Variants in DYM observed in about 807,000 individuals in gnomAD.
DYM encodes the protein dyggve-Melchior-Clausen syndrome protein.
Under a neutral mutation model 93.1 loss-of-function variants are expected in DYM, and 78 were observed. The ratio of observed to expected loss-of-function variants is 0.84; its 90% CI spans 0.70 to 1.01. The LOEUF (loss-of-function observed/expected upper bound fraction) is 1.01. Among genes scored for constraint, DYM ranks in the 50% least tolerant of loss-of-function variants. DYM has a pLI of 0.00. For missense variants in DYM, 789 were observed against 845.0 expected, an observed-to-expected ratio of 0.93 and a Z score of 0.82; for synonymous variants, 321 against 319.7, an observed-to-expected ratio of 1.00 and a Z score of -0.04.
intron 17 of DYM, among the ~76,000 whole-genome samples, chr18:49,051,720 T>C (rs191943820): frequency 1.3e-4 from 20 of 152,366 alleles, no homozygotes; most frequent in Non-Finnish European, 2.6e-4. Flanking sequence ...TGAGCTGCTC[T>C]GTGGCCTGGG....
intron 17 of DYM, among the ~76,000 whole-genome samples, chr18:49,082,727 T>C (rs1052514336): frequency 1.3e-5 from 2 of 152,188 alleles, no homozygotes; most frequent in Admixed American, 6.5e-5. Context: ...AGTGGCATGA[T>C]TGGCCAAATA....
chr18:49,234,026 G>A (rs949715266), intron 13 of DYM, among the ~76,000 whole-genome samples: 5 of 152,166 alleles, frequency 3.3e-5, no homozygotes, highest in Non-Finnish European at 7.3e-5. Flanking sequence ...CTACTCGGGA[G>A]GCTGAGGCAG....
intron 14 of DYM, among the ~76,000 whole-genome samples, chr18:49,207,177 A>C (rs922849283): frequency 5.3e-5 from 8 of 152,186 alleles, no homozygotes; most frequent in African/African-American, 1.9e-4. Flanking sequence ...GAAAAAAGAC[A>C]GGGGCCTCTG....
chr18:49,356,350 T>C (rs1389174035), intron 6 of DYM, among the ~76,000 whole-genome samples: 1 of 152,222 alleles, frequency 6.6e-6, no homozygotes, highest in Non-Finnish European at 1.5e-5. Flanking sequence ...AAAGCTACTG[T>C]AAACTTAATA....
chr18:49,409,614 T>G (rs926129266), intron 2 of DYM, among the ~76,000 whole-genome samples: 6 of 152,066 alleles, frequency 3.9e-5, no homozygotes, highest in African/African-American at 1.4e-4. Context: ...AGTTTTCCCA[T>G]CCTGGCAAAT....
chr18:49,233,135 G>A (rs1479791994), intron 13 of DYM, among the ~76,000 whole-genome samples: 1 of 152,006 alleles, frequency 6.6e-6, no homozygotes, highest in African/African-American at 2.4e-5. Context: ...GCCAAGGCGG[G>A]TGGATCACCT....
At chr18:49,429,414 A>T (rs2074597173) in intron 2 of DYM, among the ~76,000 whole-genome samples, 1 of 152,210 alleles carries the variant, frequency 6.6e-6, no homozygotes, top group Admixed American at 6.5e-5. Flanking sequence ...TAAATAAAAA[A>T]TTTTTAAATC....
intron 6 of DYM, among the ~76,000 whole-genome samples, chr18:49,353,353 T>C (rs1023207691): frequency 6.6e-6 from 1 of 152,098 alleles, no homozygotes; most frequent in African/African-American, 2.4e-5. Flanking sequence ...TTTTGTGTAC[T>C]TCCTACAAAG....
chr18:49,438,638 C>T (rs1212032722), intron 1 of DYM, among the ~76,000 whole-genome samples: 1 of 151,110 alleles, frequency 6.6e-6, no homozygotes, highest in Non-Finnish European at 1.5e-5. Flanking sequence ...ACACCCCTGC[C>T]TAAGCCCTCA....
intron 15 of DYM, among the ~76,000 whole-genome samples, chr18:49,154,765 A>T (rs934024702): frequency 2.0e-5 from 2 of 101,136 alleles, no homozygotes; most frequent in East Asian, 2.9e-4. Context: ...AGCAAGTTGC[A>T]TGTATACTTG....
At chr18:49,346,893 C>G (rs886144524) in intron 6 of DYM, among the ~76,000 whole-genome samples, 2 of 151,968 alleles carry the variant, frequency 1.3e-5, no homozygotes, top group African/African-American at 4.8e-5. Context: ...TATCAAAAGC[C>G]AAAAATGCAT....
intron 17 of DYM, among the ~76,000 whole-genome samples, chr18:49,075,247 G>T (rs569052514): frequency 6.6e-6 from 1 of 152,282 alleles, no homozygotes; most frequent in South Asian, 2.1e-4. Context: ...CTTGGTTTCT[G>T]TCCATCAACA....
chr18:49,310,327 A>C (rs1019513157), intron 8 of DYM, among the ~76,000 whole-genome samples: 1 of 152,208 alleles, frequency 6.6e-6, no homozygotes, highest in Non-Finnish European at 1.5e-5. Context: ...AATTTAAGTT[A>C]CCCTGAACTT....
intron 1 of DYM, among the ~76,000 whole-genome samples, chr18:49,457,028 C>A (rs532455479): frequency 4.6e-5 from 7 of 152,300 alleles, no homozygotes; most frequent in African/African-American, 1.7e-4. Context: ...AAGATTAGTC[C>A]TCTCTCTGTC....
chr18:49,127,430 A>G (rs1317752081), intron 15 of DYM, among the ~76,000 whole-genome samples: 1 of 152,222 alleles, frequency 6.6e-6, no homozygotes, highest in Non-Finnish European at 1.5e-5. Context: ...TTAAGAGGGA[A>G]TTTATACAGT....
intron 14 of DYM, among the ~76,000 whole-genome samples, chr18:49,177,308 T>C (rs1055614103): frequency 1.3e-5 from 2 of 152,192 alleles, no homozygotes; most frequent in South Asian, 4.1e-4. Context: ...GTTTACTATA[T>C]GTCAGATTTT....
chr18:49,287,558 T>A (rs758156329), intron 8 of DYM, among the ~76,000 whole-genome samples: 1 of 151,980 alleles, frequency 6.6e-6, no homozygotes, highest in African/African-American at 2.4e-5. Context: ...AAAAATTTCA[T>A]TATTTGCAAG....
chr18:49,413,425 G>A (rs564170060), intron 2 of DYM, among the ~76,000 whole-genome samples: 9 of 152,244 alleles, frequency 5.9e-5, no homozygotes, highest in South Asian at 2.1e-4. Flanking sequence ...TGATGCTTAC[G>A]TTAGCGAATC....
intron 13 of DYM, among the ~76,000 whole-genome samples, chr18:49,227,763 T>G (rs1235184187): frequency 6.6e-6 from 1 of 152,130 alleles, no homozygotes; most frequent in African/African-American, 2.4e-5. Flanking sequence ...AATTGAAGTA[T>G]CAGCCTGACT....
Sources: allele counts gnomAD v4.1 joint callset (sites outside exome capture counted in the v4.1 genomes callset), GRCh38; gene constraint gnomAD v4.1.1; transcripts MANE v1.5; gene names NCBI Gene and HGNC (gene_info 2026-07-23, HGNC 2026-07-21).